Variants in RANBP9 observed in about 807,000 individuals in gnomAD.
RANBP9 encodes the protein RAN binding protein 9.
RANBP9 carries 15 observed loss-of-function variants against 84.3 expected under a neutral mutation model. The observed-to-expected ratio is 0.18, with a 90% confidence interval of 0.12 to 0.27. The LOEUF (loss-of-function observed/expected upper bound fraction) is 0.27, where lower values mean the gene tolerates loss of function less well. RANBP9 is among the 10% of genes least tolerant of loss of function. The pLI, the probability that RANBP9 is intolerant of heterozygous loss-of-function variation, is 1.00. For missense variants in RANBP9, 809 were observed against 912.8 expected, an observed-to-expected ratio of 0.89 and a Z score of 1.46; for synonymous variants, 392 against 349.6, an observed-to-expected ratio of 1.12 and a Z score of -1.35.
intron 2 of RANBP9, among the ~76,000 whole-genome samples, chr6:13,678,271 T>C (rs1361182927): frequency 6.6e-6 from 1 of 152,202 alleles, no homozygotes; most frequent in Non-Finnish European, 1.5e-5. Context: ...AGGAAAGCAA[T>C]TGTTGAGAAA....
intron 2 of RANBP9, among the ~76,000 whole-genome samples, chr6:13,690,334 ATTG>A (rs1766295209): frequency 6.6e-6 from 1 of 152,218 alleles, no homozygotes; most frequent in African/African-American, 2.4e-5. Context: ...TAATAAATGT[ATTG>A]TTTACTCTTT....
intron 1 of RANBP9, among the ~76,000 whole-genome samples, chr6:13,702,170 C>T (rs749470974): frequency 5.9e-5 from 9 of 152,190 alleles, no homozygotes; most frequent in Non-Finnish European, 1.0e-4. Flanking sequence ...AGGCTGGGCG[C>T]AGTGGCTCAT....
At chr6:13,695,401 GTTTTTTTTTTT>G (rs773285024) in intron 2 of RANBP9, among the ~76,000 whole-genome samples, 4 of 84,802 alleles carry the variant, frequency 4.7e-5, no homozygotes, top group Non-Finnish European at 6.5e-5. Context: ...CCAACCAAAT[GTTTTTTTTTTT>G]TTTTTTTTTT....
intron 5 of RANBP9, among the ~76,000 whole-genome samples, chr6:13,651,696 G>A (rs989083812): frequency 2.0e-5 from 3 of 151,840 alleles, no homozygotes; most frequent in Non-Finnish European, 2.9e-5. Context: ...CACCATGCCC[G>A]GCCTAGTCTA....
At chr6:13,630,518 TA>T (rs61203161) in intron 12 of RANBP9, among the ~76,000 whole-genome samples, 78 of 146,984 alleles carry the variant, frequency 5.3e-4, no homozygotes, top group South Asian at 2.4e-3. Context: ...TAAGAATTCT[TA>T]AAAAAAAAAA....
intron 12 of RANBP9, among the ~76,000 whole-genome samples, chr6:13,630,105 G>A (rs1584910056): frequency 1.3e-5 from 2 of 151,988 alleles, no homozygotes; most frequent in Admixed American, 1.3e-4. Context: ...CAAATCATCC[G>A]GCCTTGTTCT....
At chr6:13,678,771 C>T (rs185837106) in intron 2 of RANBP9, among the ~76,000 whole-genome samples, 1 of 152,292 alleles carries the variant, frequency 6.6e-6, no homozygotes, top group East Asian at 1.9e-4. Flanking sequence ...CAGTGACCCT[C>T]CCTGAGACCT....
chr6:13,635,891 T>A (rs941742923), intron 10 of RANBP9, among the ~76,000 whole-genome samples: 1 of 152,020 alleles, frequency 6.6e-6, no homozygotes, highest in African/African-American at 2.4e-5. Context: ...CTCTGAGGTA[T>A]GATCCCTGTT....
At chr6:13,651,096 T>C (rs1214906493) in intron 5 of RANBP9, among the ~76,000 whole-genome samples, 2 of 152,150 alleles carry the variant, frequency 1.3e-5, no homozygotes, top group Non-Finnish European at 2.9e-5. Context: ...AAGAGACACA[T>C]ATTAAAATCT....
rs1584947316 is a variant in RANBP9, at chr6:13,695,447, C to T, written c.683+1338G>A. On this transcript the variant is annotated intron_variant, in intron 2 of 13. Transcript: ENST00000011619. ...TTTTCAGAAAAAGATTTTAAACAAG[C>T]TAAATTTAAATGCCTGTGGGACATT... 2.6e-5 allele frequency among the ~76,000 whole-genome samples: 3 copies of T among 114,840 alleles called. No individual in the cohort carries two copies. The South Asian group carries it at 8.2e-4, about 31-fold the overall frequency. 75.3% of individuals were successfully genotyped at this position (114,840 alleles called of 152,430 possible). A position where few individuals can be genotyped will look rare whatever the true frequency, so the allele number is the denominator to read the frequency against.
intron 5 of RANBP9, 26 bp from the exon 6 acceptor site, chr6:13,644,755 C>A: frequency 6.8e-7 from 1 of 1,480,210 alleles, no homozygotes; most frequent in Non-Finnish European, 9.1e-7. Context: ...TTTCATTAAA[C>A]ATCTATCCAT....
Position 13,696,786 on chromosome 6 carries a change from C to A in RANBP9, c.682G>T (p.Gly228Cys). ...EVKIVSKGRD[G>C]YMGIGLSAQG... ...TTTTTCTCACCAAAATTTACTTACC[C>A]ATCTCTTCCCTTACTGACAATTTTT... is the stretch of plus-strand genomic sequence containing the variant. Residue 228 changes from glycine to cysteine, a missense_variant and splice_region_variant, in exon 2 of 14, where the codon GGT (glycine) becomes TGT (cysteine). Coordinates refer to ENST00000011619, the MANE Select transcript of RANBP9 (RefSeq NM_005493.3). The A allele has an allele frequency of 6.3e-7, 1 of 1,598,404 alleles. No individual in the cohort carries two copies. Among genetic ancestry groups the A allele is most frequent in the South Asian group, 1.1e-5 (1 of 89,104 alleles).
Position 13,651,200 on chromosome 6 carries a change from T to C in RANBP9, c.927+1459A>G, listed in dbSNP as rs192913303. On this transcript the variant is annotated intron_variant, in intron 5 of 13. Coordinates refer to ENST00000011619, the MANE Select transcript of RANBP9 (RefSeq NM_005493.3). Reference sequence around the variant, plus strand: ...TTATGTCACAGTTTGTTAGTTTTTTTCCCCCTTGGTGTCACAGATGATGCA... The same window carrying C: ...TTATGTCACAGTTTGTTAGTTTTTTCCCCCCTTGGTGTCACAGATGATGCA... 5.1e-4 allele frequency among the ~76,000 whole-genome samples: 78 copies of C among 152,046 alleles called. No homozygotes were observed. In the East Asian group the frequency reaches 0.014, roughly 28 times the overall value.
chr6:13,691,469 A>G (rs1302488487), intron 2 of RANBP9, among the ~76,000 whole-genome samples: 2 of 152,174 alleles, frequency 1.3e-5, no homozygotes, highest in Admixed American at 1.3e-4. Context: ...AATAACGTAC[A>G]CCATAGGAAT....
At chr6:13,689,004 A>AAAAAG (rs374538732) in intron 2 of RANBP9, among the ~76,000 whole-genome samples, 32 of 108,994 alleles carry the variant, frequency 2.9e-4, no homozygotes, top group South Asian at 5.6e-4. Context: ...AAAAAAAAAA[A>AAAAAG]TGCTGGGCAT....
chr6:13,648,977 T>A (rs1765234182), intron 5 of RANBP9, among the ~76,000 whole-genome samples: 1 of 152,214 alleles, frequency 6.6e-6, no homozygotes, highest in African/African-American at 2.4e-5. Flanking sequence ...AAAGACTATT[T>A]TGAAAAAAAT....
chr6:13,646,459 TAC>T (rs1765176007), intron 5 of RANBP9, among the ~76,000 whole-genome samples: 1 of 151,844 alleles, frequency 6.6e-6, no homozygotes, highest in Non-Finnish European at 1.5e-5. Flanking sequence ...GAAAAAACAC[TAC>T]AGAGTTATGA....
intron 2 of RANBP9, among the ~76,000 whole-genome samples, chr6:13,686,695 C>T (rs169461): frequency 0.19 from 28,229 of 152,134 alleles, 2,865 homozygotes; most frequent in African/African-American, 0.25. Flanking sequence ...TGAGCCACCA[C>T]GCCTGGCCTT....
rs35401168 is a variant in RANBP9 at position 13,627,630 on chromosome 6, CAAAA to C, written c.1948-1870_1948-1867del. Reference sequence around the variant, plus strand: ...GGACGACAGAGAGAGACTCCATCTCCAAAAAAAAAAAAAAAAAAAAAAAATCACG... The same window carrying C: ...GGACGACAGAGAGAGACTCCATCTCCAAAAAAAAAAAAAAAAAAAATCACG... On this transcript the variant is annotated intron_variant, in intron 12 of 13. Coordinates refer to ENST00000011619, the MANE Select transcript of RANBP9 (RefSeq NM_005493.3). Among the ~76,000 whole-genome samples the C allele has an allele frequency of 3.9e-4, 26 of 66,402 alleles. No individual in the cohort carries two copies. In the East Asian group the frequency reaches 4.5e-3, roughly 12 times the overall value. 43.6% of individuals were successfully genotyped at this position (66,402 alleles called of 152,430 possible). A position where few individuals can be genotyped will look rare whatever the true frequency, so the allele number is the denominator to read the frequency against.
Sources: gnomAD v4.1 joint callset for allele counts (sites outside exome capture counted in the v4.1 genomes callset) on GRCh38, gnomAD v4.1.1 for gene constraint, MANE v1.5 for transcripts, NCBI Gene and HGNC (gene_info 2026-07-23, HGNC 2026-07-21) for gene names.